Variants in EYS observed in about 807,000 individuals in gnomAD.
EYS encodes EGF-like photoreceptor maintenance factor.
In EYS, 250 loss-of-function variants were observed where a neutral mutation model predicts 282.1. The observed-to-expected ratio is 0.89, with a 90% CI of 0.80 to 0.98. The LOEUF is 0.98. Among genes scored for constraint, EYS ranks in the 50% least tolerant of loss-of-function variants. The pLI is 0.00. For synonymous variants in EYS, 1,355 were observed against 1,282.9 expected (o/e 1.06, Z -1.20); for missense variants, 4,016 against 3,709.0 (o/e 1.08, Z -2.15).
chr6:64,010,994 TTTTA>T (rs1287251079), intron 33 of EYS, among the ~76,000 whole-genome samples: 1 of 152,004 alleles, frequency 6.6e-6, no homozygotes, highest in Non-Finnish European at 1.5e-5. Flanking sequence ...CCCTTATATA[TTTTA>T]TTTATCTTTA....
intron 2 of EYS, among the ~76,000 whole-genome samples, chr6:65,537,502 T>A (rs1289351576): frequency 7.0e-6 from 1 of 143,458 alleles, no homozygotes; most frequent in Non-Finnish European, 1.5e-5. Context: ...ACACTTGTTA[T>A]GTTTATATAT....
chr6:64,727,867 A>G (rs1771811874), intron 22 of EYS, among the ~76,000 whole-genome samples: 1 of 152,232 alleles, frequency 6.6e-6, no homozygotes, highest in African/African-American at 2.4e-5. Context: ...CCTAATAAGT[A>G]CTTTGTCCAA....
chr6:65,407,831 T>C (rs1363405472), intron 5 of EYS, among the ~76,000 whole-genome samples: 1 of 151,642 alleles, frequency 6.6e-6, no homozygotes, highest in Non-Finnish European at 1.5e-5. Flanking sequence ...CAGTGTTAAA[T>C]AGAAATGGTG....
At chr6:64,945,029 G>A (rs951616803) in intron 15 of EYS, among the ~76,000 whole-genome samples, 1 of 148,080 alleles carries the variant, frequency 6.8e-6, no homozygotes, top group Non-Finnish European at 1.5e-5. Context: ...AAATAATGAA[G>A]ATAATAATCA....
intron 5 of EYS, among the ~76,000 whole-genome samples, chr6:65,436,366 T>G (rs548633521): frequency 6.6e-6 from 1 of 152,192 alleles, no homozygotes; most frequent in South Asian, 2.1e-4. Context: ...AATGTTTTAT[T>G]TGAAAATGAG....
At chr6:63,895,102 T>A (rs1581946366) in intron 35 of EYS, among the ~76,000 whole-genome samples, 1 of 151,534 alleles carries the variant, frequency 6.6e-6, no homozygotes, top group East Asian at 1.9e-4. Flanking sequence ...CCCCATGGCC[T>A]CACCCTCACT....
chr6:65,486,181 AAAAT>A (rs1765776380), intron 5 of EYS, among the ~76,000 whole-genome samples: 1 of 152,228 alleles, frequency 6.6e-6, no homozygotes, highest in African/African-American at 2.4e-5. Context: ...TCACACAACT[AAAAT>A]AAAAACTGTA....
intron 12 of EYS, among the ~76,000 whole-genome samples, chr6:65,190,184 G>A (rs965282088): frequency 1.3e-5 from 2 of 150,282 alleles, no homozygotes; most frequent in Admixed American, 1.3e-4. Flanking sequence ...ATTTTCTTAT[G>A]CTCTATCTCT....
chr6:65,468,577 C>T (rs1765092626), intron 5 of EYS, among the ~76,000 whole-genome samples: 2 of 151,998 alleles, frequency 1.3e-5, no homozygotes, highest in Admixed American at 6.6e-5. Context: ...AATATAACCT[C>T]CTTTTTCATT....
intron 30 of EYS, among the ~76,000 whole-genome samples, chr6:64,299,779 TAG>T (rs1769169763): frequency 6.6e-6 from 1 of 152,188 alleles, no homozygotes; most frequent in Admixed American, 6.5e-5. Context: ...ATGCTAAACA[TAG>T]AGCTCTGGGA....
At chr6:65,408,994 A>G (rs1232324845) in intron 5 of EYS, among the ~76,000 whole-genome samples, 1 of 152,040 alleles carries the variant, frequency 6.6e-6, no homozygotes, top group Admixed American at 6.6e-5. Flanking sequence ...GTTTATAATA[A>G]TTTCCAGATA....
intron 13 of EYS, among the ~76,000 whole-genome samples, chr6:65,030,022 T>TAG (rs1435308921): frequency 6.6e-6 from 1 of 152,100 alleles, no homozygotes; most frequent in Non-Finnish European, 1.5e-5. Flanking sequence ...AAGAGCTGTT[T>TAG]AGAGAGGTCA....
At chr6:64,864,605 C>T (rs763130290) in intron 19 of EYS, among the ~76,000 whole-genome samples, 2 of 147,792 alleles carry the variant, frequency 1.4e-5, no homozygotes, top group Non-Finnish European at 3.0e-5. Context: ...ACGATAGTCT[C>T]GATCTCCTGA....
intron 1 of EYS, among the ~76,000 whole-genome samples, chr6:65,653,742 G>A (rs747449368): frequency 3.3e-5 from 5 of 151,938 alleles, no homozygotes; most frequent in African/African-American, 7.2e-5. Context: ...TGACATAGCC[G>A]AAGAGTGGTG....
In EYS at chr6:65,112,641, C is replaced by G. The variant is rs578020156; in HGVS notation, c.2024-54914G>C. Among the ~76,000 whole-genome samples the G allele has an allele frequency of 2.0e-4, 30 of 152,194 alleles. No homozygotes were observed. The East Asian group carries it at 5.0e-3, about 26-fold the overall frequency. On this transcript the variant is annotated intron_variant, in intron 12 of 42. Coordinates refer to ENST00000503581, the MANE Select transcript of EYS (RefSeq NM_001142800.2). The stretch of plus-strand genomic sequence containing the variant: ...GCCCAGTAATTCAATTAAATGAACA[C>G]AATTTAGAAGGAGAGATTTCCTTAA...
chr6:64,744,769 T>C (rs1169695810), intron 22 of EYS, among the ~76,000 whole-genome samples: 1 of 152,136 alleles, frequency 6.6e-6, no homozygotes, highest in Non-Finnish European at 1.5e-5. Flanking sequence ...CAGGTACATT[T>C]ATTTTAAATT....
intron 12 of EYS, among the ~76,000 whole-genome samples, chr6:65,151,069 T>G (rs2150215200): frequency 6.6e-6 from 1 of 152,112 alleles, no homozygotes; most frequent in South Asian, 2.1e-4. Context: ...TGGAAAAACA[T>G]AGAATATTAT....
At chr6:64,699,645 G>C (rs186081038) in intron 22 of EYS, among the ~76,000 whole-genome samples, 2 of 152,076 alleles carry the variant, frequency 1.3e-5, no homozygotes, top group Non-Finnish European at 2.9e-5. Context: ...GATTCATGCA[G>C]GAAGAAATAG....
intron 8 of EYS, among the ~76,000 whole-genome samples, chr6:65,370,646 C>A (rs773719875): frequency 2.6e-5 from 4 of 151,764 alleles, no homozygotes; most frequent in Admixed American, 6.7e-5. Flanking sequence ...ACAAATGCAT[C>A]TTTTCCCATG....
Sources: allele counts gnomAD v4.1 joint callset (sites outside exome capture counted in the v4.1 genomes callset), GRCh38; gene constraint gnomAD v4.1.1; transcripts MANE v1.5; gene names NCBI Gene and HGNC (gene_info 2026-07-23, HGNC 2026-07-21).